The following WDR89 variants were observed in gnomAD, a reference collection of about 807,000 sequenced individuals.
The protein encoded by WDR89 is WD repeat domain 89.
Under a neutral mutation model 29.1 loss-of-function variants are expected in WDR89, and 17 were observed. The observed-to-expected ratio is 0.58, with a 90% confidence interval of 0.40 to 0.88. The LOEUF is 0.88. Among genes scored for constraint, WDR89 ranks in the 40% least tolerant of loss-of-function variants. WDR89 has a pLI of 0.00. For synonymous variants in WDR89, 138 were observed against 157.8 expected (o/e 0.87, Z 0.94); for missense variants, 396 against 456.3 (o/e 0.87, Z 1.20).
chr14:63,638,190 C>T (rs1001840075), intron 1 of WDR89, among the ~76,000 whole-genome samples: 4 of 152,100 alleles, frequency 2.6e-5, no homozygotes, highest in African/African-American at 9.7e-5. Context: ...GGTAATCCAC[C>T]CGCCTCGGCC....
intron 2 of WDR89, among the ~76,000 whole-genome samples, chr14:63,613,533 T>C (rs367754071): frequency 2.0e-5 from 3 of 150,524 alleles, no homozygotes; most frequent in African/African-American, 7.3e-5. Flanking sequence ...GACAAGAGTC[T>C]CACTCCGTTG....
intron 1 of WDR89, among the ~76,000 whole-genome samples, chr14:63,630,096 T>C (rs879319540): frequency 1.3e-5 from 2 of 152,002 alleles, no homozygotes; most frequent in East Asian, 2.0e-4. Flanking sequence ...TATAGGCATA[T>C]GCCACCATGC....
chr14:63,634,244 A>G (rs2139574377), intron 1 of WDR89, among the ~76,000 whole-genome samples: 2 of 152,218 alleles, frequency 1.3e-5, no homozygotes, highest in Middle Eastern at 3.4e-3. Context: ...AAAACTGGCC[A>G]GGTGTGGTGG....
chr14:63,637,321 A>C (rs1421384898), intron 1 of WDR89, among the ~76,000 whole-genome samples: 1 of 152,236 alleles, frequency 6.6e-6, no homozygotes, highest in Non-Finnish European at 1.5e-5. Flanking sequence ...GTGGGAATGT[A>C]AACTAGTGCA....
chr14:63,631,701 G>A (rs531780636), intron 1 of WDR89, among the ~76,000 whole-genome samples: 1 of 152,182 alleles, frequency 6.6e-6, no homozygotes, highest in Non-Finnish European at 1.5e-5. Context: ...GAAATATTCA[G>A]CAAGTTAACA....
At chr14:63,604,880 G>A (rs939243560) in intron 2 of WDR89, among the ~76,000 whole-genome samples, 10 of 152,128 alleles carry the variant, frequency 6.6e-5, no homozygotes, top group African/African-American at 2.2e-4. Context: ...TAACCCATGT[G>A]TGTGATCCCA....
intron 1 of WDR89, among the ~76,000 whole-genome samples, chr14:63,638,114 T>A (rs919818089): frequency 2.0e-5 from 3 of 152,102 alleles, no homozygotes; most frequent in African/African-American, 7.2e-5. Flanking sequence ...CCGGCTAATT[T>A]TTGTATTTTT....
chr14:63,620,698 A>G (rs1292149689), intron 2 of WDR89, among the ~76,000 whole-genome samples: 1 of 152,076 alleles, frequency 6.6e-6, no homozygotes, highest in Non-Finnish European at 1.5e-5. Context: ...CAACCTGGCC[A>G]ATATGGTGAA....
Position 63,619,636 on chromosome 14 carries a change from GACA to G in WDR89, c.-32+5289_-32+5291del, listed in dbSNP as rs533412410. On this transcript the variant is annotated intron_variant, in intron 2 of 2. Coordinates refer to ENST00000620954, the MANE Select transcript of WDR89 (RefSeq NM_080666.4). ...TTTTTAAGCACCCCTCAAAACAGAA[GACA>G]ACAAGTATTGGCAAAAATGTAAAGA... is the stretch of plus-strand genomic sequence containing the variant. 4.7e-4 allele frequency among the ~76,000 whole-genome samples: 72 copies of G among 152,136 alleles called. 1 individual carries two copies. The highest frequency in any genetic ancestry group is 1.4e-3 in the African/African-American group (57 of 41,544).
At position 63,611,856 on chromosome 14, in the gene WDR89, A is replaced by T. The variant is rs561252090; in HGVS notation, c.-31-11883T>A. 6.6e-5 allele frequency among the ~76,000 whole-genome samples: 10 copies of T among 151,834 alleles called. No homozygotes were observed. The South Asian group carries it at 2.1e-3, about 32-fold the overall frequency. ...ACTCTCCTGACTCAGCCTCCCGAGT[A>T]GCTGGGATTATAGACGTGCACCACC... On this transcript the variant is annotated intron_variant, in intron 2 of 2. Coordinates refer to ENST00000620954, the MANE Select transcript of WDR89 (RefSeq NM_080666.4).
At chr14:63,623,991 T>G (rs186574463) in intron 2 of WDR89, among the ~76,000 whole-genome samples, 2 of 152,048 alleles carry the variant, frequency 1.3e-5, no homozygotes, top group African/African-American at 4.8e-5. Context: ...GAACAGAGAA[T>G]ATTAACTCAA....
At chr14:63,601,317 G>C (rs945029013) in intron 2 of WDR89, among the ~76,000 whole-genome samples, 1 of 151,632 alleles carries the variant, frequency 6.6e-6, no homozygotes. Context: ...TGTGATAGTA[G>C]AACTGGGATT....
At chr14:63,606,890 C>A (rs1483277324) in intron 2 of WDR89, among the ~76,000 whole-genome samples, 1 of 152,170 alleles carries the variant, frequency 6.6e-6, no homozygotes, top group Non-Finnish European at 1.5e-5. Flanking sequence ...TTGGAGGAGT[C>A]TGGTTTGAAA....
At chr14:63,625,702 G>A (rs1451136110) in intron 1 of WDR89, among the ~76,000 whole-genome samples, 2 of 152,058 alleles carry the variant, frequency 1.3e-5, no homozygotes, top group Non-Finnish European at 2.9e-5. Flanking sequence ...AGTTCACTGA[G>A]CTCTACCCTA....
intron 2 of WDR89, among the ~76,000 whole-genome samples, chr14:63,601,308 G>A (rs530678301): frequency 1.5e-4 from 23 of 151,864 alleles, no homozygotes; most frequent in African/African-American, 5.1e-4. Context: ...GTAGCAGCTT[G>A]TGATAGTAGA....
chr14:63,631,910 G>GAGACCAGCC (rs1281096772), intron 1 of WDR89, among the ~76,000 whole-genome samples: 1 of 151,940 alleles, frequency 6.6e-6, no homozygotes, highest in East Asian at 1.9e-4. Context: ...CCAGGAGTTT[G>GAGACCAGCC]AGACCAGCCT....
intron 1 of WDR89, among the ~76,000 whole-genome samples, chr14:63,635,474 T>C (rs1298127523): frequency 6.6e-6 from 1 of 152,190 alleles, no homozygotes; most frequent in South Asian, 2.1e-4. Context: ...ATAAGGGACA[T>C]ACCTTAATGT....
chr14:63,615,947 C>G (rs893113977), intron 2 of WDR89, among the ~76,000 whole-genome samples: 2 of 139,752 alleles, frequency 1.4e-5, no homozygotes, highest in Admixed American at 7.0e-5. Flanking sequence ...AAAAAGAATA[C>G]AAAAACAATT....
intron 2 of WDR89, among the ~76,000 whole-genome samples, chr14:63,607,507 C>T (rs745747863): frequency 1.8e-4 from 28 of 152,072 alleles, no homozygotes; most frequent in Non-Finnish European, 2.8e-4. Flanking sequence ...TCCCCACATG[C>T]GCATTATCCA....
Sources: gnomAD v4.1 joint callset for allele counts (sites outside exome capture counted in the v4.1 genomes callset) on GRCh38, gnomAD v4.1.1 for gene constraint, MANE v1.5 for transcripts, NCBI Gene and HGNC (gene_info 2026-07-23, HGNC 2026-07-21) for gene names.